The following MECOM variants were observed in gnomAD, a reference collection of about 807,000 sequenced individuals.
MECOM encodes MDS1 and EVI1 complex locus, also known as histone-lysine N-methyltransferase MECOM.
In MECOM, 13 loss-of-function variants were observed where a neutral mutation model predicts 116.3. The ratio of observed to expected loss-of-function variants is 0.11; its 90% CI spans 0.07 to 0.18. The LOEUF is 0.18. Ranked by LOEUF, MECOM falls within the 10% of genes least tolerant of loss-of-function variation. The pLI is 1.00. For synonymous variants in MECOM, 528 were observed against 535.2 expected, an observed-to-expected ratio of 0.99 and a Z score of 0.19; for missense variants, 1,299 against 1,509.0, an observed-to-expected ratio of 0.86 and a Z score of 2.31.
chr3:169,641,823 C>T (rs1206621125), intron 1 of MECOM, among the ~76,000 whole-genome samples: 1 of 151,980 alleles, frequency 6.6e-6, no homozygotes, highest in African/African-American at 2.4e-5. Flanking sequence ...TATGATATTG[C>T]CCTAAGGAAA....
At chr3:169,187,062 G>A (rs780845968) in intron 2 of MECOM, among the ~76,000 whole-genome samples, 1 of 152,118 alleles carries the variant, frequency 6.6e-6, no homozygotes, top group Admixed American at 6.6e-5. Context: ...TTTATTTACT[G>A]TTAGGTCTTA....
At chr3:169,615,516 C>A (rs899930872) in intron 1 of MECOM, among the ~76,000 whole-genome samples, 4 of 152,116 alleles carry the variant, frequency 2.6e-5, no homozygotes, top group South Asian at 2.1e-4. Flanking sequence ...ACTTGTCCAC[C>A]TTTTTCTACA....
chr3:169,225,117 C>T (rs1278850207), intron 2 of MECOM, among the ~76,000 whole-genome samples: 1 of 151,908 alleles, frequency 6.6e-6, no homozygotes, highest in African/African-American at 2.4e-5. Flanking sequence ...CCAGAGGGCT[C>T]CAAAATGAGT....
chr3:169,238,174 CAAAAAAAAAA>C (rs869078937), intron 2 of MECOM, among the ~76,000 whole-genome samples: 2 of 72,078 alleles, frequency 2.8e-5, no homozygotes, highest in Non-Finnish European at 6.4e-5. Flanking sequence ...GACTCCATCT[CAAAAAAAAAA>C]AAAAAAGAAA....
intron 2 of MECOM, among the ~76,000 whole-genome samples, chr3:169,380,010 G>A (rs754598808): frequency 9.2e-5 from 14 of 152,186 alleles, no homozygotes; most frequent in African/African-American, 2.4e-4. Flanking sequence ...TGTCAAAGCC[G>A]GATTCTGGCA....
rs181186181 is a variant in MECOM at position 169,334,824 on chromosome 3, C to A, written c.375+46363G>T. Among the ~76,000 whole-genome samples, 6 of 152,192 alleles carry A rather than the reference C, an allele frequency of 3.9e-5. No homozygotes were observed. The East Asian group carries it at 1.2e-3, about 29-fold the overall frequency. Reference sequence around the variant, plus strand: ...AGGTGGAGTCTAAGGAGAAAATGAGCCATGTAATGGAAAAGATGCAATTCT... The same window carrying A: ...AGGTGGAGTCTAAGGAGAAAATGAGACATGTAATGGAAAAGATGCAATTCT... On this transcript the variant is annotated intron_variant, in intron 2 of 16. Transcript: ENST00000651503.
At chr3:169,147,612 T>A (rs1443830466) in intron 2 of MECOM, 1 of 985,384 alleles carries the variant, frequency 1.0e-6, no homozygotes, top group African/African-American at 1.7e-5. Context: ...CCCTTAAACA[T>A]GTAGATTTCT....
intron 1 of MECOM, among the ~76,000 whole-genome samples, chr3:169,600,015 A>T (rs1212308247): frequency 1.3e-5 from 2 of 151,884 alleles, no homozygotes; most frequent in African/African-American, 4.8e-5. Context: ...TCTGTCCCCC[A>T]GGCTGGAGTG....
intron 1 of MECOM, among the ~76,000 whole-genome samples, chr3:169,635,123 CA>C (rs1208668705): frequency 6.6e-6 from 1 of 152,190 alleles, no homozygotes; most frequent in African/African-American, 2.4e-5. Flanking sequence ...CAGAGCACAG[CA>C]TCAAGCCAGG....
At chr3:169,538,625 T>G (rs1459652362) in intron 1 of MECOM, among the ~76,000 whole-genome samples, 1 of 152,178 alleles carries the variant, frequency 6.6e-6, no homozygotes, top group Admixed American at 6.5e-5. Context: ...TGTGTGACAT[T>G]TAGCAAATCA....
At chr3:169,144,549 T>C (rs1370792393) in intron 2 of MECOM, among the ~76,000 whole-genome samples, 3 of 152,166 alleles carry the variant, frequency 2.0e-5, no homozygotes, top group Non-Finnish European at 4.4e-5. Flanking sequence ...CATCATTAGG[T>C]ATACTTGTAT....
intron 2 of MECOM, chr3:169,146,653 A>G: frequency 7.4e-7 from 1 of 1,356,806 alleles, no homozygotes; most frequent in Middle Eastern, 2.2e-4. Flanking sequence ...CCCGGCAGGA[A>G]ACTGTCCGAA....
chr3:169,193,030 T>C (rs1205095852), intron 2 of MECOM, among the ~76,000 whole-genome samples: 4 of 151,988 alleles, frequency 2.6e-5, no homozygotes, highest in Non-Finnish European at 5.9e-5. Context: ...AATATCGAAA[T>C]GACACATGCC....
At chr3:169,190,571 C>A (rs1747385489) in intron 2 of MECOM, among the ~76,000 whole-genome samples, 2 of 151,964 alleles carry the variant, frequency 1.3e-5, no homozygotes, top group African/African-American at 4.8e-5. Context: ...CATCACAGGC[C>A]AACTGGTATC....
chr3:169,458,756 T>C (rs1158925585), intron 1 of MECOM, among the ~76,000 whole-genome samples: 1 of 152,098 alleles, frequency 6.6e-6, no homozygotes, highest in Non-Finnish European at 1.5e-5. Flanking sequence ...GGGCCTCTGG[T>C]CCAAATGTAG....
intron 2 of MECOM, among the ~76,000 whole-genome samples, chr3:169,207,498 A>G (rs979778099): frequency 2.0e-5 from 3 of 152,342 alleles, no homozygotes; most frequent in South Asian, 2.1e-4. Flanking sequence ...ATTTTACTGG[A>G]TAGCAAGGTC....
chr3:169,656,403 A>G (rs927903897), intron 1 of MECOM, among the ~76,000 whole-genome samples: 2 of 152,134 alleles, frequency 1.3e-5, no homozygotes, highest in African/African-American at 4.8e-5. Context: ...CACGTTTGCT[A>G]ATGAATAAGA....
intron 1 of MECOM, among the ~76,000 whole-genome samples, chr3:169,433,038 C>G (rs529881198): frequency 2.6e-5 from 4 of 152,296 alleles, no homozygotes; most frequent in African/African-American, 9.6e-5. Flanking sequence ...GCTGTGTAAA[C>G]TCAACATTTT....
At chr3:169,141,732 C>CAATTT (rs1738173649) in intron 3 of MECOM, among the ~76,000 whole-genome samples, 1 of 151,982 alleles carries the variant, frequency 6.6e-6, no homozygotes, top group Admixed American at 6.6e-5. Context: ...TACATCTACA[C>CAATTT]GTATCATACA....
Sources: allele counts gnomAD v4.1 joint callset (sites outside exome capture counted in the v4.1 genomes callset), GRCh38; gene constraint gnomAD v4.1.1; transcripts MANE v1.5; gene names NCBI Gene and HGNC (gene_info 2026-07-23, HGNC 2026-07-21).